Variants in AGBL4 observed in about 807,000 individuals in gnomAD.
AGBL4 encodes the protein AGBL carboxypeptidase 4.
In AGBL4, 58 loss-of-function variants were observed where a neutral mutation model predicts 66.4. The observed-to-expected ratio is 0.87, with a 90% CI of 0.71 to 1.09. The LOEUF (loss-of-function observed/expected upper bound fraction) is 1.09, where lower values mean the gene tolerates loss of function less well. Among genes scored for constraint, AGBL4 ranks in the 50% least tolerant of loss-of-function variants. The probability of loss-of-function intolerance (pLI) is 0.00; values close to 1 mark genes in which losing one functional copy is unlikely to be tolerated. For missense variants in AGBL4, 579 were observed against 631.0 expected, an observed-to-expected ratio of 0.92 and a Z score of 0.88; for synonymous variants, 234 against 222.9, an observed-to-expected ratio of 1.05 and a Z score of -0.44.
rs1480269753 is a variant in AGBL4, at chr1:49,245,825, T to A, written c.322A>T (p.Ser108Cys). 5 of 1,549,738 alleles carry A rather than the reference T, an allele frequency of 3.2e-6. No individual in the cohort carries two copies. The Admixed American group carries it at 9.8e-5, about 30-fold the overall frequency. ...GGGGCCATCCCATCTCTATAGAGAC[T>A]CTTGGTTTTACTGAAGTTAACAATG... is the stretch of plus-strand genomic sequence containing the variant. ...FNIVNFSKTKSLYRDGMAPMV... is the reference protein window; with the variant it reads ...FNIVNFSKTKCLYRDGMAPMV... Residue 108 changes from serine to cysteine, a missense_variant, in exon 4 of 14, where the codon AGT becomes TGT. Ser to Cys is a moderately radical substitution (Grantham distance 112). Coordinates refer to ENST00000371839, the MANE Select transcript of AGBL4 (RefSeq NM_032785.4).
At chr1:49,542,778 G>A (rs964497832) in intron 3 of AGBL4, among the ~76,000 whole-genome samples, 1 of 151,430 alleles carries the variant, frequency 6.6e-6, no homozygotes, top group African/African-American at 2.4e-5. Context: ...TACACCTGTG[G>A]TGCCAGCTAC....
intron 5 of AGBL4, among the ~76,000 whole-genome samples, chr1:49,030,347 G>T (rs563798319): frequency 1.3e-5 from 2 of 152,090 alleles, no homozygotes; most frequent in African/African-American, 4.8e-5. Flanking sequence ...ACCAGGAAGT[G>T]GGCCCTCAAC....
At chr1:49,111,428 A>G (rs1164935616) in intron 4 of AGBL4, among the ~76,000 whole-genome samples, 1 of 152,170 alleles carries the variant, frequency 6.6e-6, no homozygotes, top group Non-Finnish European at 1.5e-5. Context: ...CTTGAATTCT[A>G]TATAATGTCT....
chr1:49,727,090 C>T (rs1649087250), intron 2 of AGBL4, among the ~76,000 whole-genome samples: 1 of 152,058 alleles, frequency 6.6e-6, no homozygotes, highest in Admixed American at 6.6e-5. Context: ...TCCAGCCAAC[C>T]ACATCAATCT....
chr1:49,111,132 G>A (rs1404454685), intron 4 of AGBL4, among the ~76,000 whole-genome samples: 1 of 81,848 alleles, frequency 1.2e-5, no homozygotes, highest in African/African-American at 4.6e-5. Flanking sequence ...TTTTTTTTTT[G>A]AGATGGACTC....
At chr1:49,732,854 A>G (rs1459547857) in intron 2 of AGBL4, among the ~76,000 whole-genome samples, 2 of 152,172 alleles carry the variant, frequency 1.3e-5, no homozygotes, top group Admixed American at 1.3e-4. Context: ...AAAGGATTTA[A>G]CAGCTCAAAG....
intron 4 of AGBL4, among the ~76,000 whole-genome samples, chr1:49,155,590 T>C (rs1456637470): frequency 6.6e-6 from 1 of 152,156 alleles, no homozygotes; most frequent in Non-Finnish European, 1.5e-5. Context: ...ATTTATCCTA[T>C]AGACACTATA....
intron 3 of AGBL4, among the ~76,000 whole-genome samples, chr1:49,374,509 C>T (rs1409295626): frequency 6.6e-6 from 1 of 152,108 alleles, no homozygotes; most frequent in Non-Finnish European, 1.5e-5. Context: ...CAAAGCCCCT[C>T]ATTTAACACT....
intron 2 of AGBL4, among the ~76,000 whole-genome samples, chr1:49,801,450 A>C (rs563097966): frequency 6.6e-6 from 1 of 152,220 alleles, no homozygotes; most frequent in Admixed American, 6.5e-5. Context: ...ACTGTGATAA[A>C]AAAGTGTTGT....
At chr1:49,475,935 G>A (rs186765436) in intron 3 of AGBL4, among the ~76,000 whole-genome samples, 1 of 152,026 alleles carries the variant, frequency 6.6e-6, no homozygotes, top group African/African-American at 2.4e-5. Flanking sequence ...ATTTAGTTAT[G>A]CTCTGGTTTC....
intron 9 of AGBL4, among the ~76,000 whole-genome samples, chr1:48,595,076 C>T (rs974559499): frequency 6.6e-6 from 1 of 152,138 alleles, no homozygotes; most frequent in Non-Finnish European, 1.5e-5. Flanking sequence ...ATTATAGAAG[C>T]TAATATCATT....
intron 5 of AGBL4, among the ~76,000 whole-genome samples, chr1:48,956,013 C>T (rs1657419519): frequency 6.6e-6 from 1 of 152,338 alleles, no homozygotes; most frequent in Non-Finnish European, 1.5e-5. Context: ...TTGGATCTGG[C>T]CTTTCCTTGT....
intron 4 of AGBL4, among the ~76,000 whole-genome samples, chr1:49,163,956 T>G (rs1646586319): frequency 6.6e-6 from 1 of 152,122 alleles, no homozygotes; most frequent in Non-Finnish European, 1.5e-5. Context: ...GAGGCCAGTA[T>G]GAAATCCCAT....
At chr1:49,258,018 T>A (rs1557774492) in intron 3 of AGBL4, among the ~76,000 whole-genome samples, 1 of 152,152 alleles carries the variant, frequency 6.6e-6, no homozygotes, top group Admixed American at 6.5e-5. Flanking sequence ...AATCCACGGT[T>A]CTGCAGACCC....
At chr1:49,851,314 G>T in intron 2 of AGBL4, 82 bp downstream of exon 2, 1 of 1,396,804 alleles carries the variant, frequency 7.2e-7, no homozygotes, top group South Asian at 1.7e-5. Context: ...GAATTGCACT[G>T]AATGGTCACA....
At chr1:48,574,519 AT>A (rs869309438) in intron 11 of AGBL4, among the ~76,000 whole-genome samples, 6 of 148,940 alleles carry the variant, frequency 4.0e-5, no homozygotes, top group Non-Finnish European at 5.9e-5. Flanking sequence ...AAATATGTAT[AT>A]TTTTTTCTTT....
intron 6 of AGBL4, among the ~76,000 whole-genome samples, chr1:48,730,585 G>A (rs948835698): frequency 3.3e-5 from 5 of 152,158 alleles, no homozygotes; most frequent in African/African-American, 7.2e-5. Context: ...GGAGAAAGGT[G>A]CAAATGGAGG....
chr1:48,721,723 C>G (rs1456266091), intron 6 of AGBL4, among the ~76,000 whole-genome samples: 3 of 152,210 alleles, frequency 2.0e-5, no homozygotes, highest in Non-Finnish European at 4.4e-5. Context: ...CTGAGCTCAG[C>G]AGGCACAGAG....
chr1:49,147,946 G>C (rs1162917699), intron 4 of AGBL4, among the ~76,000 whole-genome samples: 1 of 152,112 alleles, frequency 6.6e-6, no homozygotes, highest in Non-Finnish European at 1.5e-5. Context: ...GTCCAAAGCA[G>C]GGATCTTTCT....
Sources: allele counts gnomAD v4.1 joint callset (sites outside exome capture counted in the v4.1 genomes callset), GRCh38; gene constraint gnomAD v4.1.1; transcripts MANE v1.5; gene names NCBI Gene and HGNC (gene_info 2026-07-23, HGNC 2026-07-21).